Variants in SFSWAP observed in about 807,000 individuals in gnomAD.
SFSWAP encodes splicing factor SWAP.
Under a neutral mutation model 100.7 loss-of-function variants are expected in SFSWAP, and 17 were observed. The observed-to-expected ratio is 0.17, with a 90% CI of 0.12 to 0.25. The LOEUF (loss-of-function observed/expected upper bound fraction) is 0.25, where lower values mean the gene tolerates loss of function less well. SFSWAP is among the 10% of genes least tolerant of loss of function. SFSWAP has a pLI of 1.00. For synonymous variants in SFSWAP, 504 were observed against 510.1 expected, an observed-to-expected ratio of 0.99 and a Z score of 0.16; for missense variants, 1,005 against 1,262.6, an observed-to-expected ratio of 0.80 and a Z score of 3.09.
At position 131,714,981 on chromosome 12, in the gene SFSWAP, G is replaced by A. The variant is rs1877753858; in HGVS notation, c.520+28G>A. The A allele has an allele frequency of 1.2e-6, 2 of 1,612,948 alleles. No individual in the cohort carries two copies. Among genetic ancestry groups the A allele is most frequent in the Non-Finnish European group, 1.7e-6 (2 of 1,179,728 alleles). On this transcript the variant is annotated intron_variant, in intron 3 of 17. Coordinates refer to ENST00000261674, the MANE Select transcript of SFSWAP (RefSeq NM_004592.4). This position sits in a 1 kb window ranked among gnomAD's most constrained non-coding sequence, Gnocchi z 6.0. ...GAGTGGGGAGCTGCCTGGACTGCTG[G>A]TGTAGGGCTACACGTGTACGCACAG...
In SFSWAP at chr12:131,715,745, A is replaced by G. The variant is rs1593105023; in HGVS notation, c.520+792A>G. On this transcript the variant is annotated intron_variant, in intron 3 of 17. Transcript: ENST00000261674. Reference sequence around the variant, plus strand: ...AAGAACATTAACTTAGAAACATTCAAATGTTTACATTACATCAAATGGAGA... The same window carrying G: ...AAGAACATTAACTTAGAAACATTCAGATGTTTACATTACATCAAATGGAGA... 2.7e-5 allele frequency among the ~76,000 whole-genome samples: 4 copies of G among 147,780 alleles called. No homozygotes were observed. The East Asian group carries it at 7.9e-4, about 29-fold the overall frequency.
At chr12:131,754,239 T>TC in intron 8 of SFSWAP, 129 bp from the exon 9 acceptor site, 1 of 528,618 alleles carries the variant, frequency 1.9e-6, no homozygotes, top group Non-Finnish European at 3.1e-6. Flanking sequence ...AACAAGAGCC[T>TC]CCCCTAACAC....
chr12:131,718,293 C>T (rs538557091), intron 3 of SFSWAP, among the ~76,000 whole-genome samples: 28 of 152,300 alleles, frequency 1.8e-4, no homozygotes, highest in Admixed American at 7.2e-4. Flanking sequence ...ATGATAGAAA[C>T]ACTTATTTTG....
rs750501454 is a variant in SFSWAP at position 131,719,420 on chromosome 12, T to C, written c.521-34T>C. The C allele has an allele frequency of 1.9e-6, 3 of 1,550,544 alleles. No individual in the cohort carries two copies. In the South Asian group the frequency reaches 3.3e-5, roughly 17 times the overall value. ...GTTAGCAGGTGCCTTCCTCCCTGCA[T>C]TGTTCTGAATTTTTTAATTTTCTTT... On this transcript the variant is annotated intron_variant, in intron 3 of 17. Coordinates refer to ENST00000261674, the MANE Select transcript of SFSWAP (RefSeq NM_004592.4).
At chr12:131,765,678 A>C (rs567180474) in intron 12 of SFSWAP, among the ~76,000 whole-genome samples, 1 of 152,072 alleles carries the variant, frequency 6.6e-6, no homozygotes, top group African/African-American at 2.4e-5. Flanking sequence ...CCATTTTTCA[A>C]CCACAATCCA....
In SFSWAP at chr12:131,758,007, G is replaced by C. The variant is rs151172257; in HGVS notation, c.1720+1363G>C. 2.7e-3 allele frequency: 407 copies of C among 152,996 alleles called. 1 individual carries two copies. The highest frequency in any genetic ancestry group is 6.7e-3 in the Middle Eastern group (2 of 300). 9.5% of individuals were successfully genotyped at this position (152,996 alleles called of 1,614,324 possible). On this transcript the variant is annotated intron_variant, in intron 11 of 17. Coordinates refer to ENST00000261674, the MANE Select transcript of SFSWAP (RefSeq NM_004592.4). ...GGCAGTGACTCCAGGGGAGTCGACT[G>C]TCAGCCACAGAGGGGCAGGCAGGAG...
chr12:131,726,376 A>G (rs1453262521), intron 5 of SFSWAP, among the ~76,000 whole-genome samples: 2 of 152,184 alleles, frequency 1.3e-5, no homozygotes, highest in East Asian at 3.9e-4. Flanking sequence ...CGCCCGGCTA[A>G]TTTTTGTATT....
At chr12:131,739,926 A>T (rs769132678) in intron 7 of SFSWAP, among the ~76,000 whole-genome samples, 1 of 152,078 alleles carries the variant, frequency 6.6e-6, no homozygotes, top group Non-Finnish European at 1.5e-5. Flanking sequence ...TATTCGATTC[A>T]TCTTTTCTTG....
intron 16 of SFSWAP, among the ~76,000 whole-genome samples, chr12:131,797,966 C>G (rs1200170500): frequency 1.3e-5 from 2 of 152,208 alleles, no homozygotes; most frequent in Non-Finnish European, 2.9e-5. Flanking sequence ...GGGAGTAACG[C>G]GCAACTGTTC....
intron 3 of SFSWAP, among the ~76,000 whole-genome samples, chr12:131,718,480 T>G (rs1878140127): frequency 6.6e-6 from 1 of 152,218 alleles, no homozygotes; most frequent in Non-Finnish European, 1.5e-5. Context: ...CTTAGGTACC[T>G]TAGAATACAG....
chr12:131,738,978 C>CAACCTCCCAGGCTG (rs1880335635), intron 7 of SFSWAP, among the ~76,000 whole-genome samples: 1 of 142,046 alleles, frequency 7.0e-6, no homozygotes, highest in South Asian at 2.3e-4. Flanking sequence ...ACTGCAACCT[C>CAACCTCCCAGGCTG]AAGCTATCCT....
chr12:131,769,126 CAA>C (rs11406090), intron 13 of SFSWAP, among the ~76,000 whole-genome samples: 1 of 146,920 alleles, frequency 6.8e-6, no homozygotes, highest in African/African-American at 2.5e-5. Context: ...GACTCCTTCT[CAA>C]AAAAAAAAAG....
At chr12:131,719,415 C>T in intron 3 of SFSWAP, 39 bp from the exon 4 acceptor site, 2 of 1,525,658 alleles carry the variant, frequency 1.3e-6, no homozygotes, top group East Asian at 4.5e-5. Context: ...GCCTTCCTCC[C>T]TGCATTGTTC....
chr12:131,785,015 T>G, intron 14 of SFSWAP: 1 of 1,394,930 alleles, frequency 7.2e-7, no homozygotes, highest in Non-Finnish European at 9.5e-7. Flanking sequence ...AGAGTTCTGG[T>G]AGCGCCCAGC....
chr12:131,795,389 C>T (rs1312131821), intron 15 of SFSWAP, among the ~76,000 whole-genome samples: 2 of 152,236 alleles, frequency 1.3e-5, no homozygotes, highest in Non-Finnish European at 1.5e-5. Context: ...CGGACAGAAA[C>T]GCTCAGTCCC....
intron 13 of SFSWAP, among the ~76,000 whole-genome samples, chr12:131,774,329 C>T (rs371275750): frequency 3.9e-5 from 6 of 152,268 alleles, no homozygotes; most frequent in South Asian, 2.1e-4. Flanking sequence ...TGCTTTTGAG[C>T]GGTTTGTTTT....
chr12:131,750,158 G>A (rs1032397689), intron 7 of SFSWAP, among the ~76,000 whole-genome samples: 4 of 152,176 alleles, frequency 2.6e-5, no homozygotes, highest in African/African-American at 7.2e-5. Context: ...TGGATCTGAC[G>A]TCCTCCCTTA....
At chr12:131,781,529 G>T (rs981204607) in intron 14 of SFSWAP, among the ~76,000 whole-genome samples, 3 of 152,050 alleles carry the variant, frequency 2.0e-5, no homozygotes, top group African/African-American at 7.2e-5. Flanking sequence ...GAGCCACCGC[G>T]CCCGGCCTAT....
At chr12:131,746,488 G>A (rs534355580) in intron 7 of SFSWAP, among the ~76,000 whole-genome samples, 15 of 152,122 alleles carry the variant, frequency 9.9e-5, no homozygotes, top group East Asian at 3.9e-4. Context: ...CCTGTCCCCC[G>A]TCCCCGCCTG....
Sources: allele counts gnomAD v4.1 joint callset (sites outside exome capture counted in the v4.1 genomes callset), GRCh38; gene constraint gnomAD v4.1.1; non-coding constraint Gnocchi (gnomAD v3.1); transcripts MANE v1.5; gene names NCBI Gene and HGNC (gene_info 2026-07-23, HGNC 2026-07-21).